Variants in ST6GALNAC3 observed in about 807,000 individuals in gnomAD.
ST6GALNAC3 encodes ST6 N-acetylgalactosaminide alpha-2,6-sialyltransferase 3.
A neutral mutation model predicts 32.7 loss-of-function variants in ST6GALNAC3; 25 were observed. The ratio of observed to expected loss-of-function variants is 0.76; its 90% CI spans 0.56 to 1.07. The LOEUF is 1.07. Among genes scored for constraint, ST6GALNAC3 ranks in the 50% least tolerant of loss-of-function variants. The pLI is 0.00. For missense variants in ST6GALNAC3, 355 were observed against 382.4 expected (o/e 0.93, Z 0.60); for synonymous variants, 129 against 133.1 (o/e 0.97, Z 0.21).
intron 3 of ST6GALNAC3, among the ~76,000 whole-genome samples, chr1:76,531,966 AAC>A (rs1421041382): frequency 1.3e-5 from 2 of 152,206 alleles, no homozygotes; most frequent in Admixed American, 1.3e-4. Flanking sequence ...AAACTAGCCA[AAC>A]ACAGCTGCAC....
intron 1 of ST6GALNAC3, among the ~76,000 whole-genome samples, chr1:76,092,836 G>A (rs958221070): frequency 4.6e-5 from 7 of 152,210 alleles, no homozygotes; most frequent in Admixed American, 1.3e-4. Flanking sequence ...ACTGCCTGGC[G>A]TCCAGCGTGA....
intron 2 of ST6GALNAC3, among the ~76,000 whole-genome samples, chr1:76,354,725 C>G (rs933526158): frequency 1.3e-5 from 2 of 152,130 alleles, no homozygotes; most frequent in African/African-American, 4.8e-5. Flanking sequence ...TTATGCTTTG[C>G]CAGTATTTCC....
intron 3 of ST6GALNAC3, among the ~76,000 whole-genome samples, chr1:76,494,200 C>T (rs1013905820): frequency 1.3e-5 from 2 of 151,650 alleles, no homozygotes; most frequent in African/African-American, 2.4e-5. Context: ...TCCTGTTCTT[C>T]CTAGAATCCA....
intron 1 of ST6GALNAC3, among the ~76,000 whole-genome samples, chr1:76,208,313 T>C (rs1557697365): frequency 1.3e-5 from 2 of 152,256 alleles, no homozygotes; most frequent in South Asian, 2.1e-4. Context: ...GAAAGTGCTT[T>C]GCAAATGATG....
rs140894969 is a variant in ST6GALNAC3 at position 76,101,383 on chromosome 1, T to C, written c.18+26499T>C. On this transcript the variant is annotated intron_variant, in intron 1 of 4. Coordinates refer to ENST00000328299, the MANE Select transcript of ST6GALNAC3 (RefSeq NM_152996.4). ...TGAACAATATTTCATTTTCTAGGTG[T>C]ACCAGAATTTGCTTATCCATTCTCC... Among the ~76,000 whole-genome samples the C allele has an allele frequency of 5.3e-5, 8 of 152,326 alleles. No homozygotes were observed. The East Asian group carries it at 1.5e-3, about 29-fold the overall frequency.
At chr1:76,613,209 T>A (rs1438852612) in intron 3 of ST6GALNAC3, among the ~76,000 whole-genome samples, 1 of 152,226 alleles carries the variant, frequency 6.6e-6, no homozygotes, top group Non-Finnish European at 1.5e-5. Flanking sequence ...TAAATTGATA[T>A]TTCCCCTCGT....
chr1:76,435,022 C>T (rs1656044113), intron 3 of ST6GALNAC3, among the ~76,000 whole-genome samples: 1 of 151,940 alleles, frequency 6.6e-6, no homozygotes, highest in Non-Finnish European at 1.5e-5. Flanking sequence ...AACTCTTGAC[C>T]TCAGGTGATC....
rs373926533 is a variant in ST6GALNAC3 at position 76,444,622 on chromosome 1, T to C, written c.623+32205T>C. On this transcript the variant is annotated intron_variant, in intron 3 of 4. Coordinates refer to ENST00000328299, the MANE Select transcript of ST6GALNAC3 (RefSeq NM_152996.4). ...GATGTCCTTTACATGTCAGACACCA[T>C]TGAGTACCTAGAACAGTGTCTGGAC... is the stretch of plus-strand genomic sequence containing the variant. Among the ~76,000 whole-genome samples the C allele has an allele frequency of 6.6e-5, 10 of 152,312 alleles. No individual in the cohort carries two copies. The East Asian group carries it at 1.7e-3, about 26-fold the overall frequency.
At chr1:76,396,529 T>G (rs1396623263) in intron 2 of ST6GALNAC3, among the ~76,000 whole-genome samples, 1 of 151,412 alleles carries the variant, frequency 6.6e-6, no homozygotes, top group Non-Finnish European at 1.5e-5. Flanking sequence ...TCTACAGCCC[T>G]TTTTTTCCCC....
chr1:76,095,138 G>A (rs1199501540), intron 1 of ST6GALNAC3, among the ~76,000 whole-genome samples: 1 of 152,090 alleles, frequency 6.6e-6, no homozygotes, highest in Non-Finnish European at 1.5e-5. Flanking sequence ...ATACCCCTGG[G>A]ATCTGGGGGG....
chr1:76,533,555 C>A (rs901121644), intron 3 of ST6GALNAC3, among the ~76,000 whole-genome samples: 1 of 152,128 alleles, frequency 6.6e-6, no homozygotes, highest in Non-Finnish European at 1.5e-5. Context: ...TCTGAGGATT[C>A]CCCTAAGAGA....
intron 3 of ST6GALNAC3, among the ~76,000 whole-genome samples, chr1:76,586,422 C>T (rs559619091): frequency 1.6e-4 from 24 of 152,270 alleles, no homozygotes; most frequent in African/African-American, 5.3e-4. Flanking sequence ...CTCAGTTTTA[C>T]GACTGTTTTA....
intron 3 of ST6GALNAC3, among the ~76,000 whole-genome samples, chr1:76,579,250 C>T (rs1184691828): frequency 6.6e-6 from 1 of 152,024 alleles, no homozygotes; most frequent in Admixed American, 6.6e-5. Flanking sequence ...ATGCATCGAT[C>T]ACCAGCTCCA....
At chr1:76,597,163 T>C (rs943786393) in intron 3 of ST6GALNAC3, among the ~76,000 whole-genome samples, 1 of 152,132 alleles carries the variant, frequency 6.6e-6, no homozygotes, top group African/African-American at 2.4e-5. Context: ...TCCAGAACTT[T>C]TGGAGAGTAG....
At chr1:76,408,703 T>A (rs1654006582) in intron 2 of ST6GALNAC3, among the ~76,000 whole-genome samples, 1 of 152,140 alleles carries the variant, frequency 6.6e-6, no homozygotes, top group African/African-American at 2.4e-5. Flanking sequence ...TTATAATGAC[T>A]AGGAAATCCA....
chr1:76,334,202 G>A (rs907841624), intron 2 of ST6GALNAC3, among the ~76,000 whole-genome samples: 2 of 152,090 alleles, frequency 1.3e-5, no homozygotes, highest in East Asian at 3.8e-4. Context: ...TTCTGGCACT[G>A]GCCAAACAAA....
rs1329714664 is a variant in ST6GALNAC3 at position 76,384,836 on chromosome 1, T to C, written c.214-27172T>C. 2.0e-5 allele frequency among the ~76,000 whole-genome samples: 3 copies of C among 152,114 alleles called. No homozygotes were observed. In the East Asian group the frequency reaches 5.8e-4, roughly 29 times the overall value. Reference sequence around the variant, plus strand: ...GAAAGGAAGTATACAATCATGTTCATGCAAATCAAAAATAACCCTGTGCTC... The same window carrying C: ...GAAAGGAAGTATACAATCATGTTCACGCAAATCAAAAATAACCCTGTGCTC... On this transcript the variant is annotated intron_variant, in intron 2 of 4. Transcript: ENST00000328299.
intron 3 of ST6GALNAC3, among the ~76,000 whole-genome samples, chr1:76,450,754 T>C (rs1657335478): frequency 6.6e-6 from 1 of 152,214 alleles, no homozygotes; most frequent in Admixed American, 6.5e-5. Context: ...GGATCCAGTT[T>C]CATTCTTCTA....
In ST6GALNAC3 at chr1:76,215,376, G is replaced by A. The variant is rs151079869; in HGVS notation, c.19-98429G>A. ...TTTAGATTTTAGCAATAGGAATAAG[G>A]TATGCAGAGTAGCACATCAGAACGC... is the stretch of plus-strand genomic sequence containing the variant. On this transcript the variant is annotated intron_variant, in intron 1 of 4. Transcript: ENST00000328299. 1.9e-3 allele frequency among the ~76,000 whole-genome samples: 286 copies of A among 152,260 alleles called. 3 individuals are homozygous for A. Among genetic ancestry groups the A allele is most frequent in the African/African-American group, 6.6e-3 (276 of 41,556 alleles).
Sources: gnomAD v4.1 joint callset for allele counts (sites outside exome capture counted in the v4.1 genomes callset) on GRCh38, gnomAD v4.1.1 for gene constraint, MANE v1.5 for transcripts, NCBI Gene and HGNC (gene_info 2026-07-23, HGNC 2026-07-21) for gene names.